Variants in PLD5 observed in about 807,000 individuals in gnomAD.
PLD5 encodes the protein inactive phospholipase D5.
A neutral mutation model predicts 61.1 loss-of-function variants in PLD5; 36 were observed. That is an observed-to-expected ratio of 0.59 (90% CI 0.45 to 0.78). The LOEUF is 0.78. Ranked by LOEUF, PLD5 falls within the 30% of genes least tolerant of loss-of-function variation. The pLI, the probability that PLD5 is intolerant of heterozygous loss-of-function variation, is 0.00. For missense variants in PLD5, 515 were observed against 644.4 expected (o/e 0.80, Z 2.17); for synonymous variants, 243 against 242.8 (o/e 1.00, Z -0.01).
intron 1 of PLD5, among the ~76,000 whole-genome samples, chr1:242,456,789 C>T (rs186323912): frequency 6.0e-4 from 92 of 152,308 alleles, no homozygotes; most frequent in East Asian, 5.8e-4. Context: ...TGCATTTCCA[C>T]GCTGGAACAC....
chr1:242,243,952 G>C (rs10803031), intron 4 of PLD5, among the ~76,000 whole-genome samples: 62,009 of 152,012 alleles, frequency 0.41, 13,016 homozygotes, highest in Admixed American at 0.55. Context: ...ATAGCAGCTG[G>C]TATTCCCATT....
intron 1 of PLD5, among the ~76,000 whole-genome samples, chr1:242,437,158 C>T (rs995622974): frequency 6.6e-6 from 1 of 152,158 alleles, no homozygotes; most frequent in Non-Finnish European, 1.5e-5. Flanking sequence ...AAATTCTGTG[C>T]TTAAAAATAG....
At chr1:242,163,545 G>GAGA (rs1185866932) in intron 5 of PLD5, among the ~76,000 whole-genome samples, 1 of 152,166 alleles carries the variant, frequency 6.6e-6, no homozygotes, top group African/African-American at 2.4e-5. Context: ...CGGAAGGAAA[G>GAGA]AGAAAGAGGT....
intron 1 of PLD5, among the ~76,000 whole-genome samples, chr1:242,448,197 T>C (rs1337936650): frequency 6.6e-6 from 1 of 152,208 alleles, no homozygotes; most frequent in Non-Finnish European, 1.5e-5. Flanking sequence ...GTGATTTCTC[T>C]GGTCTGTGTC....
chr1:242,303,972 T>C (rs956500214), intron 2 of PLD5, among the ~76,000 whole-genome samples: 30 of 152,228 alleles, frequency 2.0e-4, no homozygotes, highest in African/African-American at 7.2e-4. Flanking sequence ...CACCATGGGC[T>C]CTGTCAAATT....
At chr1:242,464,760 G>A (rs1185986132) in intron 1 of PLD5, among the ~76,000 whole-genome samples, 2 of 152,126 alleles carry the variant, frequency 1.3e-5, no homozygotes, top group African/African-American at 2.4e-5. Flanking sequence ...AATGTCCATC[G>A]ATGAATGAAT....
intron 5 of PLD5, among the ~76,000 whole-genome samples, chr1:242,194,518 C>A (rs1197329564): frequency 6.6e-6 from 1 of 151,992 alleles, no homozygotes; most frequent in Non-Finnish European, 1.5e-5. Flanking sequence ...TGGAACCAAC[C>A]CTTCAATGCC....
chr1:242,245,895 C>A (rs1015614776), intron 4 of PLD5, among the ~76,000 whole-genome samples: 1 of 152,130 alleles, frequency 6.6e-6, no homozygotes, highest in African/African-American at 2.4e-5. Flanking sequence ...TCACAGCCCC[C>A]CTTCTTCCTT....
intron 3 of PLD5, among the ~76,000 whole-genome samples, chr1:242,268,304 C>T (rs1054157727): frequency 1.3e-5 from 2 of 152,178 alleles, no homozygotes; most frequent in South Asian, 2.1e-4. Context: ...ACAAACACTT[C>T]GTGTGTTCCG....
intron 1 of PLD5, among the ~76,000 whole-genome samples, chr1:242,487,459 C>G (rs1668001038): frequency 6.6e-6 from 1 of 152,106 alleles, no homozygotes; most frequent in African/African-American, 2.4e-5. Context: ...AATACAGGAG[C>G]AAATCTAGGT....
At chr1:242,494,492 G>A (rs971576494) in intron 1 of PLD5, among the ~76,000 whole-genome samples, 3 of 151,924 alleles carry the variant, frequency 2.0e-5, no homozygotes, top group East Asian at 1.9e-4. Context: ...CTGTCCCTAC[G>A]GCCTGGATCA....
intron 5 of PLD5, among the ~76,000 whole-genome samples, chr1:242,140,165 G>A (rs1574377950): frequency 6.6e-6 from 1 of 152,108 alleles, no homozygotes; most frequent in Non-Finnish European, 1.5e-5. Context: ...CAACGTGTTC[G>A]GCACAAGGTC....
chr1:242,105,587 G>C (rs1660991770), intron 8 of PLD5, among the ~76,000 whole-genome samples: 1 of 152,104 alleles, frequency 6.6e-6, no homozygotes, highest in South Asian at 2.1e-4. Context: ...GGAAGGGCTA[G>C]TTTATAAATG....
intron 1 of PLD5, chr1:242,365,364 C>T (rs1203977688): frequency 2.5e-5 from 4 of 158,568 alleles, no homozygotes; most frequent in Non-Finnish European, 5.8e-5. Flanking sequence ...CCACTCCCCG[C>T]TCTAAGTTCT....
chr1:242,479,574 G>A (rs1245738224), intron 1 of PLD5, among the ~76,000 whole-genome samples: 1 of 152,130 alleles, frequency 6.6e-6, no homozygotes, highest in Non-Finnish European at 1.5e-5. Context: ...ATGGAGAGCA[G>A]ATATTGTTAA....
At chr1:242,503,116 T>A (rs922709985) in intron 1 of PLD5, among the ~76,000 whole-genome samples, 1 of 151,920 alleles carries the variant, frequency 6.6e-6, no homozygotes, top group Admixed American at 6.6e-5. Flanking sequence ...CAATAACCAC[T>A]CCATATCTAA....
intron 4 of PLD5, among the ~76,000 whole-genome samples, chr1:242,259,527 A>T (rs1673268097): frequency 6.6e-6 from 1 of 152,152 alleles, no homozygotes; most frequent in Non-Finnish European, 1.5e-5. Flanking sequence ...TGAGACTGAA[A>T]CGAGATATTT....
At chr1:242,475,609 C>T (rs1178520649) in intron 1 of PLD5, among the ~76,000 whole-genome samples, 1 of 152,116 alleles carries the variant, frequency 6.6e-6, no homozygotes, top group Non-Finnish European at 1.5e-5. Context: ...AGCGAGGAGA[C>T]TCTAAACATA....
At chr1:242,513,164 G>A (rs192071044) in intron 1 of PLD5, among the ~76,000 whole-genome samples, 1 of 152,128 alleles carries the variant, frequency 6.6e-6, no homozygotes, top group Non-Finnish European at 1.5e-5. Flanking sequence ...ACAGGCCTGA[G>A]TCACCTGCAC....
Sources: gnomAD v4.1 joint callset for allele counts (sites outside exome capture counted in the v4.1 genomes callset) on GRCh38, gnomAD v4.1.1 for gene constraint, MANE v1.5 for transcripts, NCBI Gene and HGNC (gene_info 2026-07-23, HGNC 2026-07-21) for gene names.